XKR5: variants seen among roughly 807,000 people sequenced by gnomAD.
XKR5 encodes XK related 5, also known as XK-related protein 5.
Under a neutral mutation model 40.8 loss-of-function variants are expected in XKR5, and 46 were observed. The observed-to-expected ratio is 1.13, with a 90% CI of 0.89 to 1.44. XKR5 has a LOEUF of 1.44. Ranked by LOEUF, XKR5 falls within the 40% of genes most tolerant of loss-of-function variation. The probability of loss-of-function intolerance (pLI) is 0.00; values close to 1 mark genes in which losing one functional copy is unlikely to be tolerated. For synonymous variants in XKR5, 466 were observed against 356.1 expected (o/e 1.31, Z -3.48); for missense variants, 1,169 against 844.7 (o/e 1.38, Z -4.76).
intron 1 of XKR5, among the ~76,000 whole-genome samples, chr8:6,834,893 G>A (rs1221980520): frequency 6.6e-6 from 1 of 152,168 alleles, no homozygotes; most frequent in Non-Finnish European, 1.5e-5. Context: ...AAACCCCGAA[G>A]CGGAGTCGCC....
chr8:6,814,300 C>T (rs185938413), intron 6 of XKR5, among the ~76,000 whole-genome samples: 1 of 152,172 alleles, frequency 6.6e-6, no homozygotes, highest in Non-Finnish European at 1.5e-5. Flanking sequence ...CCATGGGATG[C>T]GACTCAGCCA....
At chr8:6,819,579 T>C (rs901587984) in intron 5 of XKR5, among the ~76,000 whole-genome samples, 1 of 152,190 alleles carries the variant, frequency 6.6e-6, no homozygotes, top group Non-Finnish European at 1.5e-5. Context: ...TGCCCAGCAC[T>C]GCCTGGCACA....
chr8:6,828,317 T>C (rs1047267723), intron 2 of XKR5, among the ~76,000 whole-genome samples: 1 of 150,826 alleles, frequency 6.6e-6, no homozygotes, highest in Non-Finnish European at 1.5e-5. Context: ...CCTAAAGGAG[T>C]GTCTGGGGTC....
Position 6,812,019 on chromosome 8 carries a change from T to G in XKR5, c.1240A>C (p.Thr414Pro). ...GCATTGATCTTAGACACATTTCCTG[T>G]TTTTAGGGCAAGTTTCACCCACAGC... The part of the protein sequence containing the change: ...HWLWVKLALK[T>P]GNVSKINAAF... The change falls in exon 7 of 7, where the codon ACA becomes CCA. Residue 414 changes from threonine to proline, a missense_variant. Physicochemically the swap from Thr to Pro is conservative, Grantham distance 38 (BLOSUM62 -1). Coordinates refer to ENST00000618742, the MANE Select transcript of XKR5 (RefSeq NM_207411.5). The G allele has an allele frequency of 6.5e-7, 1 of 1,537,476 alleles. No homozygotes were observed. The highest frequency in any genetic ancestry group is 8.7e-7 in the Non-Finnish European group (1 of 1,146,908).
chr8:6,812,001 T>A lies in XKR5; in HGVS notation c.1258A>T (p.Ile420Phe). 2 of 1,537,332 alleles carry A rather than the reference T, an allele frequency of 1.3e-6. No individual in the cohort carries two copies. The highest frequency in any genetic ancestry group is 1.7e-6 in the Non-Finnish European group (2 of 1,146,926). ...CTGTTATCTCCAAAGGCGGCATTGA[T>A]CTTAGACACATTTCCTGTTTTTAGG... is the stretch of plus-strand genomic sequence containing the variant. ...LALKTGNVSKINAAFGDNSPA... is the reference protein window; with the variant it reads ...LALKTGNVSKFNAAFGDNSPA... Residue 420 changes from isoleucine to phenylalanine, a missense_variant, in exon 7 of 7, where the codon ATC becomes TTC. Coordinates refer to ENST00000618742, the MANE Select transcript of XKR5 (RefSeq NM_207411.5).
Position 6,811,238 on chromosome 8 carries a change from C to A in XKR5, c.2021G>T (p.Cys674Phe), listed in dbSNP as rs545052803. 2.0e-6 allele frequency: 3 copies of A among 1,537,282 alleles called. No homozygotes were observed. Among genetic ancestry groups the A allele is most frequent in the East Asian group, 2.4e-5 (1 of 40,914 alleles). Reference sequence around the variant, plus strand: ...CGGCTCTTGCTTCATCTGTTCCCTGCAGCTGCAGTCCGTTTGGATAGACTC... The same window carrying A: ...CGGCTCTTGCTTCATCTGTTCCCTGAAGCTGCAGTCCGTTTGGATAGACTC... ...KSESIQTDCS[C>F]REQMKQEPSF... Residue 674 changes from cysteine (C) to phenylalanine (F), a missense_variant, in exon 7 of 7, where the codon TGC (cysteine) becomes TTC (phenylalanine). By Grantham distance (205) the Cys-to-Phe change is radical. Transcript: ENST00000618742.
intron 1 of XKR5, among the ~76,000 whole-genome samples, chr8:6,834,672 C>A (rs185073034): frequency 6.6e-6 from 1 of 151,678 alleles, no homozygotes; most frequent in Admixed American, 6.5e-5. Flanking sequence ...AGGGTACCCC[C>A]TCTTCCACCC....
At chr8:6,822,115 GC>G in intron 4 of XKR5, 77 bp from the exon 5 acceptor site, 1 of 1,426,918 alleles carries the variant, frequency 7.0e-7, no homozygotes, top group Non-Finnish European at 9.3e-7. Context: ...GAGACCAGGG[GC>G]TGGAAGGCTC....
intron 5 of XKR5, among the ~76,000 whole-genome samples, chr8:6,816,248 A>G (rs1182476373): frequency 1.3e-5 from 2 of 152,194 alleles, no homozygotes; most frequent in South Asian, 2.1e-4. Context: ...TCTACTTTGC[A>G]TATTTCTCCA....
At chr8:6,818,000 G>A (rs924306562) in intron 5 of XKR5, among the ~76,000 whole-genome samples, 1 of 152,154 alleles carries the variant, frequency 6.6e-6, no homozygotes, top group Non-Finnish European at 1.5e-5. Flanking sequence ...CCAAGCCCCC[G>A]GATGTTCCTC....
At chr8:6,826,704 A>C (rs889369055) in intron 2 of XKR5, among the ~76,000 whole-genome samples, 3 of 152,098 alleles carry the variant, frequency 2.0e-5, no homozygotes, top group Non-Finnish European at 4.4e-5. Flanking sequence ...TGGTTGAGGG[A>C]CTGGAAGTGG....
At position 6,811,998 on chromosome 8, in the gene XKR5, T is replaced by A; in HGVS notation, c.1261A>T (p.Asn421Tyr). Residue 421 changes from asparagine to tyrosine, a missense_variant, in exon 7 of 7, where the codon AAT (asparagine) becomes TAT (tyrosine). By Grantham distance (143) the Asn-to-Tyr change is moderately radical. Transcript: ENST00000618742. ...ALKTGNVSKINAAFGDNSPAY... is the reference protein window; with the variant it reads ...ALKTGNVSKIYAAFGDNSPAY... ...GGACTGTTATCTCCAAAGGCGGCATTGATCTTAGACACATTTCCTGTTTTT... is the reference window on the plus strand; with the variant it reads ...GGACTGTTATCTCCAAAGGCGGCATAGATCTTAGACACATTTCCTGTTTTT... The A allele has an allele frequency of 6.5e-7, 1 of 1,537,344 alleles. No homozygotes were observed. The highest frequency in any genetic ancestry group is 1.2e-5 in the South Asian group (1 of 84,060).
rs1018616601 is a variant in XKR5, at chr8:6,811,339, T to A, written c.1920A>T (p.Ala640=). The A allele has an allele frequency of 1.3e-6, 2 of 1,537,242 alleles. No individual in the cohort carries two copies. Among genetic ancestry groups the A allele is most frequent in the African/African-American group, 2.7e-5 (2 of 73,056 alleles). Reference sequence around the variant, plus strand: ...GCAATGACACCCACACACCAACAGCTGCATGGTGACTTAGCTCCCTTTTGG... The same window carrying A: ...GCAATGACACCCACACACCAACAGCAGCATGGTGACTTAGCTCCCTTTTGG... ...LEPKRELSHH[A]AVGVWVSLPQ... is the part of the protein sequence containing the mutation. The change falls in exon 7 of 7, where the codon GCA becomes GCT. Residue 640 remains alanine, a synonymous_variant. Coordinates refer to ENST00000618742, the MANE Select transcript of XKR5 (RefSeq NM_207411.5).
At chr8:6,831,300 G>C (rs1367548478) in intron 2 of XKR5, among the ~76,000 whole-genome samples, 6 of 152,220 alleles carry the variant, frequency 3.9e-5, no homozygotes, top group African/African-American at 1.4e-4. Flanking sequence ...GAAGGGCCCT[G>C]TCTTTTCAGG....
chr8:6,824,719 A>G (rs987092134), intron 3 of XKR5, among the ~76,000 whole-genome samples: 2 of 147,954 alleles, frequency 1.4e-5, no homozygotes, highest in Admixed American at 1.4e-4. Context: ...TTTGGTAGAG[A>G]TGGGTTTTTG....
intron 2 of XKR5, among the ~76,000 whole-genome samples, chr8:6,827,189 C>T (rs1412604760): frequency 6.6e-6 from 1 of 152,168 alleles, no homozygotes; most frequent in Non-Finnish European, 1.5e-5. Context: ...CCCACCAATT[C>T]CTCTCTGGGT....
At position 6,810,000 on chromosome 8, in the gene XKR5, C is replaced by T. The variant is rs925086171; in HGVS notation, c.*1198G>A. The T allele has an allele frequency of 3.3e-5, 5 of 152,202 alleles. No individual in the cohort carries two copies. The highest frequency in any genetic ancestry group is 1.2e-4 in the African/African-American group (5 of 41,428). The allele number at this position is 152,202 out of a possible 1,614,324, so 9.4% of individuals were successfully genotyped here. On this transcript the variant is annotated 3_prime_UTR_variant, in exon 7 of 7. Coordinates refer to ENST00000618742, the MANE Select transcript of XKR5 (RefSeq NM_207411.5). ...GGTGCCCACCTGCCAGTAGTCCCAG[C>T]TACTCGAGAGGCTGAGGTGAGAGGA...
chr8:6,811,155 G>T lies in XKR5; in HGVS notation c.*43C>A, dbSNP rs1803657951. 6.7e-7 allele frequency: 1 copy of T among 1,493,864 alleles called. No individual in the cohort carries two copies. The highest frequency in any genetic ancestry group is 1.4e-5 in the African/African-American group (1 of 71,974). The allele number at this position is 1,493,864 out of a possible 1,614,324, so 92.5% of individuals were successfully genotyped here. A position where few individuals can be genotyped will look rare whatever the true frequency, so the allele number is the denominator to read the frequency against. On this transcript the variant is annotated 3_prime_UTR_variant, in exon 7 of 7. Coordinates refer to ENST00000618742, the MANE Select transcript of XKR5 (RefSeq NM_207411.5). Reference sequence around the variant, plus strand: ...CCTTTCTCACGGTACCAAATGGCCAGCTTGGTTTGTCAGCCTGTTGTCTTA... The same window carrying T: ...CCTTTCTCACGGTACCAAATGGCCATCTTGGTTTGTCAGCCTGTTGTCTTA...
rs375599997 is a variant in XKR5 at position 6,811,050 on chromosome 8, C to G, written c.*148G>C. The G allele has an allele frequency of 2.6e-3, 1,839 of 716,858 alleles. 24 individuals are homozygous for G. In the African/African-American group the frequency reaches 0.029, roughly 11 times the overall value. 44.4% of individuals were successfully genotyped at this position (716,858 alleles called of 1,614,324 possible). ...CCTGCAAAATCATCCAGCCCTGTTT[C>G]TTCATTTTTCAGGGATGCAGATGGA... On this transcript the variant is annotated 3_prime_UTR_variant, in exon 7 of 7. Coordinates refer to ENST00000618742, the MANE Select transcript of XKR5 (RefSeq NM_207411.5).
Sources: allele counts gnomAD v4.1 joint callset (sites outside exome capture counted in the v4.1 genomes callset), GRCh38; gene constraint gnomAD v4.1.1; transcripts MANE v1.5; gene names NCBI Gene and HGNC (gene_info 2026-07-23, HGNC 2026-07-21).